The following CHST8 variants were observed in gnomAD, a reference collection of about 807,000 sequenced individuals.
CHST8 encodes carbohydrate sulfotransferase 8, also known as GALNAC-4-ST1.
A neutral mutation model predicts 15.0 loss-of-function variants in CHST8; 10 were observed. The observed-to-expected ratio is 0.67, with a 90% CI of 0.41 to 1.13. The LOEUF (loss-of-function observed/expected upper bound fraction) is 1.13. CHST8 is among the 50% of genes most tolerant of loss of function. The pLI is 0.00. For synonymous variants in CHST8, 259 were observed against 256.6 expected, an observed-to-expected ratio of 1.01 and a Z score of -0.09; for missense variants, 634 against 608.2, an observed-to-expected ratio of 1.04 and a Z score of -0.45.
Position 33,772,182 on chromosome 19 carries a change from G to A in CHST8, c.394G>A (p.Ala132Thr), listed in dbSNP as rs898608902. 1.9e-6 allele frequency: 3 copies of A among 1,597,738 alleles called. No homozygotes were observed. The highest frequency in any genetic ancestry group is 1.7e-5 in the Admixed American group (1 of 58,220). Residue 132 changes from alanine (A) to threonine (T), a missense_variant, in exon 5 of 5, where the codon GCG becomes ACG. By Grantham distance (58) the Ala-to-Thr change is moderately conservative. Transcript: ENST00000650847. ...GACCATCCCGGCCAACAGCTCGGAC[G>A]CGCCCTTCATCCGGCCGGGACCCGG... ...AATIPANSSD[A>T]PFIRPGPGTL...
At chr19:33,634,704 A>C (rs1263177306) in intron 1 of CHST8, among the ~76,000 whole-genome samples, 2 of 136,168 alleles carry the variant, frequency 1.5e-5, no homozygotes, top group African/African-American at 2.8e-5. Flanking sequence ...AAAAAAAAGC[A>C]TGGATGCTGC....
chr19:33,724,004 G>A (rs966428680), intron 3 of CHST8, among the ~76,000 whole-genome samples: 1 of 152,198 alleles, frequency 6.6e-6, no homozygotes, highest in African/African-American at 2.4e-5. Flanking sequence ...GGGAGGTTAG[G>A]TGGACAGAAA....
At chr19:33,667,019 A>G (rs536223890) in intron 1 of CHST8, among the ~76,000 whole-genome samples, 1 of 152,304 alleles carries the variant, frequency 6.6e-6, no homozygotes, top group South Asian at 2.1e-4. Flanking sequence ...AGGGATGCCA[A>G]AGCCAGCCTG....
chr19:33,697,539 T>C (rs983757027), intron 3 of CHST8, among the ~76,000 whole-genome samples: 2 of 152,264 alleles, frequency 1.3e-5, no homozygotes, highest in Admixed American at 1.3e-4. Context: ...CCTCATGTAA[T>C]ACTTTAAAAC....
chr19:33,759,212 GC>G (rs999798584), intron 3 of CHST8, among the ~76,000 whole-genome samples: 42 of 152,298 alleles, frequency 2.8e-4, no homozygotes, highest in African/African-American at 9.6e-4. Context: ...CATCAAGACA[GC>G]CCCTTTATGG....
chr19:33,673,017 G>A (rs925600436), intron 2 of CHST8, among the ~76,000 whole-genome samples: 1 of 152,196 alleles, frequency 6.6e-6, no homozygotes, highest in Non-Finnish European at 1.5e-5. Context: ...CAGAAGGGGA[G>A]ACACTTCCTG....
intron 1 of CHST8, among the ~76,000 whole-genome samples, chr19:33,656,226 T>C (rs1367264749): frequency 6.6e-6 from 1 of 152,180 alleles, no homozygotes; most frequent in African/African-American, 2.4e-5. Flanking sequence ...TTTTAAAAAT[T>C]ACCATATTTT....
At chr19:33,760,935 A>G (rs1446201946) in intron 3 of CHST8, among the ~76,000 whole-genome samples, 2 of 152,200 alleles carry the variant, frequency 1.3e-5, no homozygotes, top group Non-Finnish European at 2.9e-5. Context: ...AGACACTGTC[A>G]TCAGTACCTA....
intron 3 of CHST8, among the ~76,000 whole-genome samples, chr19:33,692,139 A>C (rs1488467896): frequency 1.6e-5 from 2 of 122,582 alleles, no homozygotes; most frequent in Non-Finnish European, 3.7e-5. Flanking sequence ...AAATCAAACC[A>C]CATTTTAAAC....
intron 3 of CHST8, among the ~76,000 whole-genome samples, chr19:33,689,617 C>T (rs1420674696): frequency 6.6e-6 from 1 of 152,226 alleles, no homozygotes; most frequent in Admixed American, 6.5e-5. Context: ...AGGGTGGCCC[C>T]TTTTGGGAGT....
intron 3 of CHST8, among the ~76,000 whole-genome samples, chr19:33,754,532 C>G (rs1363985491): frequency 6.6e-6 from 1 of 152,202 alleles, no homozygotes; most frequent in African/African-American, 2.4e-5. Context: ...GATCCAAGGA[C>G]AGGATCGACT....
intron 1 of CHST8, among the ~76,000 whole-genome samples, chr19:33,636,363 C>A (rs1186910558): frequency 6.6e-6 from 1 of 152,148 alleles, no homozygotes; most frequent in Non-Finnish European, 1.5e-5. Context: ...CCACCTAAAT[C>A]GCCCTTGCCT....
intron 3 of CHST8, among the ~76,000 whole-genome samples, chr19:33,733,126 C>G (rs1269609385): frequency 6.6e-6 from 1 of 152,108 alleles, no homozygotes; most frequent in Non-Finnish European, 1.5e-5. Context: ...TAGGAGCCCA[C>G]CAGGACCCAT....
At position 33,654,348 on chromosome 19, in the gene CHST8, G is replaced by T. The variant is rs61009663; in HGVS notation, c.-163-13419G>T. Reference sequence around the variant, plus strand: ...CCTCATCTTGGATTCTAGTCTTTCTGCTTGTTTATCAGCTTGTTTTTCCTC... The same window carrying T: ...CCTCATCTTGGATTCTAGTCTTTCTTCTTGTTTATCAGCTTGTTTTTCCTC... On this transcript the variant is annotated intron_variant, in intron 1 of 4. Transcript: ENST00000650847. 3.8e-3 allele frequency among the ~76,000 whole-genome samples: 574 copies of T among 152,008 alleles called. 7 individuals carry two copies. The highest frequency in any genetic ancestry group is 0.013 in the African/African-American group (552 of 41,472).
chr19:33,755,199 C>A (rs1599625963), intron 3 of CHST8, among the ~76,000 whole-genome samples: 1 of 151,454 alleles, frequency 6.6e-6, no homozygotes, highest in South Asian at 2.1e-4. Context: ...CACTGGAAAC[C>A]TTCTGATGCC....
At chr19:33,728,056 C>A (rs1399776268) in intron 3 of CHST8, among the ~76,000 whole-genome samples, 1 of 152,272 alleles carries the variant, frequency 6.6e-6, no homozygotes, top group East Asian at 1.9e-4. Flanking sequence ...ACGGCAGGTT[C>A]ATGGCCACAC....
chr19:33,745,856 G>T (rs1439240932), intron 3 of CHST8, among the ~76,000 whole-genome samples: 1 of 152,216 alleles, frequency 6.6e-6, no homozygotes, highest in Non-Finnish European at 1.5e-5. Context: ...CAGCCAAGCT[G>T]CAGGGCTGTG....
At chr19:33,700,178 C>G (rs1356812310) in intron 3 of CHST8, among the ~76,000 whole-genome samples, 1 of 152,216 alleles carries the variant, frequency 6.6e-6, no homozygotes. Context: ...TATTGGAACC[C>G]TCTTGCGTCT....
chr19:33,688,177 C>G (rs565618574), intron 2 of CHST8, among the ~76,000 whole-genome samples: 221 of 152,320 alleles, frequency 1.5e-3, no homozygotes, highest in Non-Finnish European at 2.7e-3. Context: ...CCCATGCCCT[C>G]TCTACACACC....
Sources: gnomAD v4.1 joint callset for allele counts (sites outside exome capture counted in the v4.1 genomes callset) on GRCh38, gnomAD v4.1.1 for gene constraint, MANE v1.5 for transcripts, NCBI Gene and HGNC (gene_info 2026-07-23, HGNC 2026-07-21) for gene names.